CHN2: variants seen among roughly 807,000 people sequenced by gnomAD.
CHN2 encodes chimerin 2.
CHN2 carries 35 observed loss-of-function variants against 56.3 expected under a neutral mutation model. The observed-to-expected ratio is 0.62, with a 90% confidence interval of 0.47 to 0.82. CHN2 has a LOEUF of 0.82. CHN2 is among the 40% of genes least tolerant of loss of function. The probability of loss-of-function intolerance (pLI) is 0.00; values close to 1 mark genes in which losing one functional copy is unlikely to be tolerated. For missense variants in CHN2, 491 were observed against 580.5 expected (o/e 0.85, Z 1.58); for synonymous variants, 210 against 212.8 (o/e 0.99, Z 0.12).
chr7:29,284,708 A>T (rs1007544544), intron 1 of CHN2, among the ~76,000 whole-genome samples: 7 of 152,178 alleles, frequency 4.6e-5, no homozygotes, highest in African/African-American at 7.2e-5. Flanking sequence ...TCAACCTGGG[A>T]AACCTGGAGC....
chr7:29,345,587 G>A (rs755774658), intron 1 of CHN2, among the ~76,000 whole-genome samples: 14 of 152,130 alleles, frequency 9.2e-5, no homozygotes, highest in Non-Finnish European at 1.5e-4. Flanking sequence ...AGGGCTAAAG[G>A]GCAAGAGGAG....
chr7:29,290,142 T>C (rs1162037387), intron 1 of CHN2, among the ~76,000 whole-genome samples: 2 of 152,254 alleles, frequency 1.3e-5, no homozygotes, highest in Non-Finnish European at 2.9e-5. Flanking sequence ...TTTCCCTAAC[T>C]GCACTGTTTT....
At chr7:29,264,261 G>T (rs918669347) in intron 1 of CHN2, among the ~76,000 whole-genome samples, 1 of 151,438 alleles carries the variant, frequency 6.6e-6, no homozygotes, top group African/African-American at 2.4e-5. Flanking sequence ...CAGCAGCCCC[G>T]TCTGGGAAGT....
intron 1 of CHN2, among the ~76,000 whole-genome samples, chr7:29,339,091 G>A (rs753252702): frequency 1.3e-5 from 2 of 152,190 alleles, no homozygotes; most frequent in Non-Finnish European, 2.9e-5. Flanking sequence ...TTCTGGAAAA[G>A]TCACAGTAGA....
At chr7:29,503,250 A>T (rs1187027412) in intron 9 of CHN2, among the ~76,000 whole-genome samples, 6 of 152,002 alleles carry the variant, frequency 3.9e-5, no homozygotes, top group African/African-American at 1.5e-4. Flanking sequence ...TCGCTCTCTC[A>T]CTCTCCATGC....
In CHN2 at chr7:29,184,218, G is replaced by A. The variant is rs556712367; in HGVS notation, c.274+37258G>A. On this transcript the variant is annotated intron_variant, in intron 2 of 6. Transcript: ENST00000439384. ...ATAGATAAAAGAGATATTTATAGAA[G>A]AAATATATATAGGAGATATACATAT... 3.3e-5 allele frequency among the ~76,000 whole-genome samples: 5 copies of A among 150,080 alleles called. No homozygotes were observed. In the East Asian group the frequency reaches 9.8e-4, roughly 29 times the overall value.
intron 6 of CHN2, among the ~76,000 whole-genome samples, chr7:29,431,218 A>G (rs2128114550): frequency 6.6e-6 from 1 of 152,302 alleles, no homozygotes; most frequent in Admixed American, 6.5e-5. Flanking sequence ...TGACTTTTCT[A>G]GCCACTTGTA....
At chr7:29,318,237 G>T (rs951163138) in intron 1 of CHN2, among the ~76,000 whole-genome samples, 1 of 152,172 alleles carries the variant, frequency 6.6e-6, no homozygotes, top group Non-Finnish European at 1.5e-5. Flanking sequence ...TGGCTGCACA[G>T]ACCAACTCCT....
intron 1 of CHN2, among the ~76,000 whole-genome samples, chr7:29,239,705 T>G (rs1787502717): frequency 6.6e-6 from 1 of 152,184 alleles, no homozygotes; most frequent in Non-Finnish European, 1.5e-5. Flanking sequence ...TCACATATCC[T>G]GGCCTCAGTG....
At chr7:29,151,512 G>T (rs906224180) in intron 2 of CHN2, among the ~76,000 whole-genome samples, 4 of 152,208 alleles carry the variant, frequency 2.6e-5, no homozygotes, top group African/African-American at 9.6e-5. Context: ...AGCTGAGCAA[G>T]CCCTGTGTAA....
intron 1 of CHN2, among the ~76,000 whole-genome samples, chr7:29,299,175 T>C (rs1793442928): frequency 3.3e-5 from 5 of 152,182 alleles, no homozygotes; most frequent in Admixed American, 2.6e-4. Flanking sequence ...AAACATCCTA[T>C]GGTTCCACCC....
chr7:29,513,480 C>T lies in CHN2; in HGVS notation c.*745C>T, dbSNP rs1311155048. On this transcript the variant is annotated 3_prime_UTR_variant, in exon 13 of 13. Coordinates refer to ENST00000222792, the MANE Select transcript of CHN2 (RefSeq NM_004067.4). ...TCTATGCATACAAATTTTGTGAATT[C>T]CCAAAGTATGCTTTGGAATTGGTCA... 1 of 152,224 alleles carries T rather than the reference C, an allele frequency of 6.6e-6. No homozygotes were observed. The highest frequency in any genetic ancestry group is 1.9e-4 in the East Asian group (1 of 5,198). 9.4% of individuals were successfully genotyped at this position (152,224 alleles called of 1,614,324 possible).
At chr7:29,175,697 A>G (rs1408405137) in intron 2 of CHN2, among the ~76,000 whole-genome samples, 2 of 152,154 alleles carry the variant, frequency 1.3e-5, no homozygotes, top group Non-Finnish European at 2.9e-5. Flanking sequence ...ATTGATTGAT[A>G]GCCAACGGGA....
intron 2 of CHN2, among the ~76,000 whole-genome samples, chr7:29,152,786 T>A (rs925470322): frequency 2.0e-5 from 3 of 152,226 alleles, no homozygotes; most frequent in Non-Finnish European, 4.4e-5. Context: ...TTTCTCTCAG[T>A]AAATTTTGAC....
At chr7:29,285,172 A>G (rs1584960412) in intron 1 of CHN2, among the ~76,000 whole-genome samples, 1 of 152,142 alleles carries the variant, frequency 6.6e-6, no homozygotes, top group Non-Finnish European at 1.5e-5. Flanking sequence ...TTCCCTCTAC[A>G]ACATCCTGAC....
At chr7:29,449,101 G>A (rs1208113410) in intron 6 of CHN2, among the ~76,000 whole-genome samples, 3 of 152,208 alleles carry the variant, frequency 2.0e-5, no homozygotes, top group African/African-American at 7.2e-5. Context: ...TAACTTTGCA[G>A]CATTAAGTTA....
At chr7:29,393,095 G>A (rs1340808715) in intron 3 of CHN2, among the ~76,000 whole-genome samples, 2 of 152,166 alleles carry the variant, frequency 1.3e-5, no homozygotes, top group Non-Finnish European at 2.9e-5. Flanking sequence ...ATCCTTTCTG[G>A]AATGTTTGTG....
intron 2 of CHN2, among the ~76,000 whole-genome samples, chr7:29,171,215 C>T (rs965503841): frequency 1.3e-5 from 2 of 152,150 alleles, no homozygotes; most frequent in African/African-American, 4.8e-5. Context: ...GAAGGAACAG[C>T]GCAGACATCA....
At chr7:29,507,417 C>T (rs1790703181) in intron 11 of CHN2, 52 bp downstream of exon 11, 1 of 1,344,972 alleles carries the variant, frequency 7.4e-7, no homozygotes, top group South Asian at 1.3e-5. Flanking sequence ...AAGTACAGTG[C>T]TTTTGACCTT....
Sources: gnomAD v4.1 joint callset for allele counts (sites outside exome capture counted in the v4.1 genomes callset) on GRCh38, gnomAD v4.1.1 for gene constraint, MANE v1.5 for transcripts, NCBI Gene and HGNC (gene_info 2026-07-23, HGNC 2026-07-21) for gene names.